The following SARNP variants were observed in gnomAD, a reference collection of about 807,000 sequenced individuals.
SARNP encodes the protein SAP domain containing ribonucleoprotein.
SARNP carries 5 observed loss-of-function variants against 38.1 expected under a neutral mutation model. That is an observed-to-expected ratio of 0.13 (90% CI 0.07 to 0.28). SARNP has a LOEUF of 0.28. Among genes scored for constraint, SARNP ranks in the 10% least tolerant of loss-of-function variants. The pLI is 1.00. For missense variants in SARNP, 180 were observed against 243.9 expected, an observed-to-expected ratio of 0.74 and a Z score of 1.75; for synonymous variants, 84 against 80.6, an observed-to-expected ratio of 1.04 and a Z score of -0.23.
At chr12:55,812,556 G>A (rs1297771111) in intron 1 of SARNP, among the ~76,000 whole-genome samples, 2 of 152,118 alleles carry the variant, frequency 1.3e-5, no homozygotes, top group Non-Finnish European at 2.9e-5. Flanking sequence ...ATTTCCAACT[G>A]ACTACCTGAC....
rs75855731 is a variant in SARNP, at chr12:55,766,630, G to A, written c.502-5990C>T. 9.0e-5 allele frequency among the ~76,000 whole-genome samples: 10 copies of A among 111,274 alleles called. No homozygotes were observed. In the East Asian group the frequency reaches 2.8e-3, roughly 31 times the overall value. The allele number at this position is 111,274 out of a possible 152,430, so 73.0% of individuals were successfully genotyped here. A position where few individuals can be genotyped will look rare whatever the true frequency, so the allele number is the denominator to read the frequency against. On this transcript the variant is annotated intron_variant, in intron 9 of 10. Transcript: ENST00000336133. ...GGTTTTTTTGGCGGGGGGGGGGGGG[G>A]GGTTGTTTTTTTGAGACAGTCTCAC... is the stretch of plus-strand genomic sequence containing the variant.
At chr12:55,755,097 G>A (rs962904375), downstream of SARNP, 2 of 152,108 alleles carry the variant, frequency 1.3e-5, no homozygotes, top group Non-Finnish European at 2.9e-5. Flanking sequence ...AAATTTTGGG[G>A]GGATTCCAAT....
chr12:55,785,837 T>C (rs1879476537), intron 9 of SARNP, among the ~76,000 whole-genome samples: 1 of 151,046 alleles, frequency 6.6e-6, no homozygotes. Context: ...GCAGTGTCAC[T>C]ATCATGGCTC....
intron 9 of SARNP, among the ~76,000 whole-genome samples, chr12:55,776,142 C>G (rs1402104293): frequency 6.6e-6 from 1 of 152,100 alleles, no homozygotes; most frequent in Non-Finnish European, 1.5e-5. Context: ...GTGCTCAAGT[C>G]CCTTATATAA....
intron 5 of SARNP, among the ~76,000 whole-genome samples, chr12:55,795,333 A>C (rs1879790148): frequency 6.6e-6 from 1 of 152,148 alleles, no homozygotes; most frequent in South Asian, 2.1e-4. Flanking sequence ...ATCCTAGAAG[A>C]TATCAGGTTG....
intron 6 of SARNP, 128 bp from the exon 7 acceptor site, chr12:55,794,515 TAAC>T: frequency 1.2e-6 from 1 of 839,092 alleles, no homozygotes; most frequent in Non-Finnish European, 2.0e-6. Context: ...TAGCTAATTC[TAAC>T]AACCCCATGA....
intron 1 of SARNP, among the ~76,000 whole-genome samples, chr12:55,812,826 C>G (rs567829721): frequency 6.6e-6 from 1 of 152,250 alleles, no homozygotes; most frequent in Non-Finnish European, 1.5e-5. Flanking sequence ...TGAGCACCTA[C>G]TGTATTATCA....
At chr12:55,812,573 A>C (rs943349176) in intron 1 of SARNP, among the ~76,000 whole-genome samples, 3 of 152,230 alleles carry the variant, frequency 2.0e-5, no homozygotes, top group Non-Finnish European at 2.9e-5. Context: ...TGACATGTCC[A>C]AGTGGATGTC....
At chr12:55,806,590 G>A (rs577140041) in intron 1 of SARNP, among the ~76,000 whole-genome samples, 1 of 151,810 alleles carries the variant, frequency 6.6e-6, no homozygotes, top group Non-Finnish European at 1.5e-5. Context: ...AAAATTTCTT[G>A]AGACGGAGTC....
At chr12:55,761,359 G>A (rs1399718075) in intron 9 of SARNP, among the ~76,000 whole-genome samples, 4 of 152,066 alleles carry the variant, frequency 2.6e-5, no homozygotes, top group Admixed American at 1.3e-4. Context: ...ATGCTTACAC[G>A]TTACCAAGGA....
intron 9 of SARNP, among the ~76,000 whole-genome samples, chr12:55,786,435 GGTTTGTTT>G (rs146930644): frequency 0.015 from 2,331 of 150,840 alleles, 46 homozygotes; most frequent in African/African-American, 0.046. Flanking sequence ...AGTGAGCTTT[GGTTTGTTT>G]GTTTGTTTGT....
rs74699826 is a variant in SARNP, at chr12:55,797,057, C to G, written c.252-981G>C. ...AGGGCATTAACCCTCCACCAAACAA[C>G]TCCCATAAAACTGTGGGTCATAACC... On this transcript the variant is annotated intron_variant, in intron 4 of 10. Transcript: ENST00000336133. Among the ~76,000 whole-genome samples, 10 of 152,308 alleles carry G rather than the reference C, an allele frequency of 6.6e-5. No individual in the cohort carries two copies. The East Asian group carries it at 1.9e-3, about 29-fold the overall frequency.
intron 4 of SARNP, among the ~76,000 whole-genome samples, chr12:55,796,957 AG>A (rs1186469292): frequency 6.6e-6 from 1 of 152,180 alleles, no homozygotes; most frequent in East Asian, 1.9e-4. Context: ...TAGTGGTCAA[AG>A]GTTTAAGAGG....
intron 1 of SARNP, among the ~76,000 whole-genome samples, chr12:55,814,026 AT>A (rs1174485306): frequency 6.6e-6 from 1 of 152,258 alleles, no homozygotes; most frequent in Non-Finnish European, 1.5e-5. Context: ...GCTTTGCCAC[AT>A]AACAAATGCT....
intron 9 of SARNP, among the ~76,000 whole-genome samples, chr12:55,763,388 T>A (rs192681625): frequency 1.3e-5 from 2 of 151,968 alleles, no homozygotes; most frequent in African/African-American, 4.8e-5. Context: ...CTTGGCTCAA[T>A]GCAGTCTCCA....
chr12:55,808,864 T>A (rs1294690746), intron 1 of SARNP, among the ~76,000 whole-genome samples: 1 of 152,232 alleles, frequency 6.6e-6, no homozygotes, highest in Non-Finnish European at 1.5e-5. Flanking sequence ...TTAGCAGAAC[T>A]AAAACCTTTT....
At chr12:55,794,420 A>C (rs752582819) in intron 6 of SARNP, 33 bp from the exon 7 acceptor site, 9 of 1,597,498 alleles carry the variant, frequency 5.6e-6, no homozygotes, top group Non-Finnish European at 7.7e-6. Context: ...AATTTTAGGA[A>C]GCTGTTCACA....
At chr12:55,814,317 A>C (rs140885479) in intron 1 of SARNP, among the ~76,000 whole-genome samples, 535 of 152,316 alleles carry the variant, frequency 3.5e-3, no homozygotes, top group Admixed American at 5.2e-3. Flanking sequence ...AAGTCCTTAC[A>C]TAACTTAGAA....
chr12:55,807,850 G>C (rs1880202276), intron 1 of SARNP, among the ~76,000 whole-genome samples: 1 of 149,688 alleles, frequency 6.7e-6, no homozygotes, highest in Non-Finnish European at 1.5e-5. Flanking sequence ...TAAGAATCTT[G>C]ATCTTTCTCA....
Sources: gnomAD v4.1 joint callset for allele counts (sites outside exome capture counted in the v4.1 genomes callset) on GRCh38, gnomAD v4.1.1 for gene constraint, MANE v1.5 for transcripts, NCBI Gene and HGNC (gene_info 2026-07-23, HGNC 2026-07-21) for gene names.